The following TTC29 variants were observed in gnomAD, a reference collection of about 807,000 sequenced individuals.
TTC29 encodes the protein tetratricopeptide repeat domain 29, also known as tetratricopeptide repeat protein 29.
A neutral mutation model predicts 58.1 loss-of-function variants in TTC29; 49 were observed. The ratio of observed to expected loss-of-function variants is 0.84; its 90% CI spans 0.67 to 1.07. The LOEUF (loss-of-function observed/expected upper bound fraction) is 1.07. Ranked by LOEUF, TTC29 falls within the 50% of genes least tolerant of loss-of-function variation. The probability of loss-of-function intolerance (pLI) is 0.00; values close to 1 mark genes in which losing one functional copy is unlikely to be tolerated. For synonymous variants in TTC29, 209 were observed against 196.8 expected, an observed-to-expected ratio of 1.06 and a Z score of -0.52; for missense variants, 582 against 555.6, an observed-to-expected ratio of 1.05 and a Z score of -0.48.
chr4:146,867,421 G>C, intron 8 of TTC29, 77 bp downstream of exon 8: 1 of 701,352 alleles, frequency 1.4e-6, no homozygotes, highest in East Asian at 3.2e-5. Flanking sequence ...TATTGGCCTT[G>C]TAATAACATA....
chr4:146,925,034 T>C (rs1220507284), intron 4 of TTC29, among the ~76,000 whole-genome samples: 1 of 152,090 alleles, frequency 6.6e-6, no homozygotes, highest in Non-Finnish European at 1.5e-5. Flanking sequence ...CTCTTTCTGC[T>C]ATCATTTTTA....
intron 10 of TTC29, among the ~76,000 whole-genome samples, chr4:146,807,128 T>C (rs1750673169): frequency 6.6e-6 from 1 of 152,116 alleles, no homozygotes; most frequent in Non-Finnish European, 1.5e-5. Context: ...CAACATGCTC[T>C]TGAGTGACTA....
chr4:146,802,008 A>G (rs866779394), intron 11 of TTC29, among the ~76,000 whole-genome samples: 2,598 of 143,206 alleles, frequency 0.018, 38 homozygotes, highest in African/African-American at 0.03. Flanking sequence ...AAAAAAAAAA[A>G]AGAGACTTTT....
intron 4 of TTC29, among the ~76,000 whole-genome samples, chr4:146,930,557 C>A (rs1295064137): frequency 6.6e-6 from 1 of 152,148 alleles, no homozygotes; most frequent in Non-Finnish European, 1.5e-5. Flanking sequence ...GAAAACAGAA[C>A]AGGATACGGG....
At chr4:146,833,937 C>CT in intron 8 of TTC29, 40 bp from the exon 9 acceptor site, 1 of 1,306,896 alleles carries the variant, frequency 7.7e-7, no homozygotes, top group Non-Finnish European at 1.1e-6. Flanking sequence ...TATAGCACAG[C>CT]CAGATACGCT....
At chr4:146,762,707 G>A (rs1747002172) in intron 11 of TTC29, among the ~76,000 whole-genome samples, 1 of 151,814 alleles carries the variant, frequency 6.6e-6, no homozygotes, top group Non-Finnish European at 1.5e-5. Flanking sequence ...TGATTTCTCA[G>A]TGACCTCAGA....
intron 11 of TTC29, among the ~76,000 whole-genome samples, chr4:146,720,004 A>G (rs1015456333): frequency 4.5e-4 from 69 of 152,276 alleles, no homozygotes; most frequent in Middle Eastern, 3.4e-3. Context: ...GATTGAATAA[A>G]TCGATCCATT....
At chr4:146,813,292 A>T (rs748474621) in intron 10 of TTC29, among the ~76,000 whole-genome samples, 8 of 152,190 alleles carry the variant, frequency 5.3e-5, no homozygotes, top group Non-Finnish European at 7.3e-5. Flanking sequence ...TTTATTAAGG[A>T]ATGAGAAATC....
chr4:146,878,383 G>C (rs1731413684), intron 6 of TTC29, among the ~76,000 whole-genome samples: 1 of 152,050 alleles, frequency 6.6e-6, no homozygotes, highest in Non-Finnish European at 1.5e-5. Flanking sequence ...AGGCCTATTA[G>C]GTGCTAGTCA....
intron 10 of TTC29, among the ~76,000 whole-genome samples, chr4:146,817,064 G>C (rs58195224): frequency 6.6e-6 from 1 of 152,008 alleles, no homozygotes; most frequent in East Asian, 1.9e-4. Flanking sequence ...TCAACATAGC[G>C]TTGGAAGTTC....
intron 10 of TTC29, among the ~76,000 whole-genome samples, chr4:146,818,014 T>C (rs1301814332): frequency 2.0e-5 from 3 of 152,116 alleles, no homozygotes; most frequent in South Asian, 2.1e-4. Flanking sequence ...ATTCAGGACA[T>C]AGGCATGGGC....
At chr4:146,779,501 T>C (rs1748406792) in intron 11 of TTC29, among the ~76,000 whole-genome samples, 1 of 152,210 alleles carries the variant, frequency 6.6e-6, no homozygotes, top group Admixed American at 6.5e-5. Context: ...TCAGATCCAT[T>C]GGTAAAATTA....
At chr4:146,774,641 T>A (rs148753861) in intron 11 of TTC29, among the ~76,000 whole-genome samples, 1 of 152,262 alleles carries the variant, frequency 6.6e-6, no homozygotes, top group East Asian at 1.9e-4. Context: ...TGGCCTGTTG[T>A]GCGGTAGATT....
intron 4 of TTC29, among the ~76,000 whole-genome samples, chr4:146,921,271 A>T (rs1734561931): frequency 6.6e-6 from 1 of 151,336 alleles, no homozygotes; most frequent in African/African-American, 2.4e-5. Flanking sequence ...TATTAATTTT[A>T]TTGCACCTAT....
At chr4:146,889,496 G>A (rs1040348876) in intron 6 of TTC29, among the ~76,000 whole-genome samples, 2 of 152,042 alleles carry the variant, frequency 1.3e-5, no homozygotes, top group Non-Finnish European at 2.9e-5. Context: ...GGCTGTCCTG[G>A]TTAAGATTTT....
intron 2 of TTC29, among the ~76,000 whole-genome samples, chr4:146,942,206 A>G (rs888523931): frequency 6.6e-6 from 1 of 152,236 alleles, no homozygotes; most frequent in African/African-American, 2.4e-5. Context: ...TCTATGAAAC[A>G]AAATGCCCAC....
At chr4:146,746,689 A>G (rs1451103674) in intron 11 of TTC29, among the ~76,000 whole-genome samples, 1 of 152,166 alleles carries the variant, frequency 6.6e-6, no homozygotes, top group South Asian at 2.1e-4. Flanking sequence ...GTGTGTTTAG[A>G]GAAATGTTGT....
At chr4:146,813,331 A>G (rs923580500) in intron 10 of TTC29, among the ~76,000 whole-genome samples, 1 of 152,190 alleles carries the variant, frequency 6.6e-6, no homozygotes, top group Non-Finnish European at 1.5e-5. Context: ...CCTCTGAAAC[A>G]TTCTCATTTG....
At chr4:146,805,068 C>T (rs1372005523) in intron 10 of TTC29, among the ~76,000 whole-genome samples, 1 of 150,990 alleles carries the variant, frequency 6.6e-6, no homozygotes, top group African/African-American at 2.4e-5. Context: ...GTTCTGCAGC[C>T]CCGCTGGTGA....
Sources: allele counts gnomAD v4.1 joint callset (sites outside exome capture counted in the v4.1 genomes callset), GRCh38; gene constraint gnomAD v4.1.1; transcripts MANE v1.5; gene names NCBI Gene and HGNC (gene_info 2026-07-23, HGNC 2026-07-21).